Variants in EXPH5 observed in about 807,000 individuals in gnomAD.
The protein encoded by EXPH5 is exophilin 5, also known as exophilin-5.
EXPH5 carries 42 observed loss-of-function variants against 41.1 expected under a neutral mutation model. The observed-to-expected ratio is 1.02, with a 90% CI of 0.80 to 1.32. The LOEUF is 1.32. EXPH5 is among the 40% of genes most tolerant of loss of function. The probability of loss-of-function intolerance (pLI) is 0.00; values close to 1 mark genes in which losing one functional copy is unlikely to be tolerated. For missense variants in EXPH5, 2,298 were observed against 2,314.5 expected, an observed-to-expected ratio of 0.99 and a Z score of 0.15; for synonymous variants, 798 against 833.5, an observed-to-expected ratio of 0.96 and a Z score of 0.73.
intron 1 of EXPH5, among the ~76,000 whole-genome samples, chr11:108,548,744 T>C (rs1295705742): frequency 1.3e-5 from 2 of 152,196 alleles, no homozygotes; most frequent in African/African-American, 2.4e-5. Flanking sequence ...GAAGTATAGT[T>C]TGTACATTGA....
the EXPH5 span, among the ~76,000 whole-genome samples, chr11:108,606,645 C>T: frequency 6.6e-6 from 1 of 152,182 alleles, no homozygotes; most frequent in Non-Finnish European, 1.5e-5. Context: ...TCAAGGCTCA[C>T]TTTGTGCAAG....
rs61454000 is a variant in EXPH5 at position 108,532,367 on chromosome 11, T to TATATATATATATATA, written c.444-4184_444-4183insTATATATATATATAT. On this transcript the variant is annotated intron_variant, in intron 3 of 5. Coordinates refer to ENST00000265843, the MANE Select transcript of EXPH5 (RefSeq NM_015065.3). ...ATATATATATATATATATATATATA[T>TATATATATATATATA]TTTTTTTTTTTTTTTTTTTTTTTTT... Among the ~76,000 whole-genome samples the TATATATATATATATA allele has an allele frequency of 7.0e-3, 141 of 20,116 alleles. 4 individuals are homozygous for TATATATATATATATA. The highest frequency in any genetic ancestry group is 0.011 in the South Asian group (4 of 366). 13.2% of individuals were successfully genotyped at this position (20,116 alleles called of 152,430 possible). A position where few individuals can be genotyped will look rare whatever the true frequency, so the allele number is the denominator to read the frequency against.
At chr11:108,520,907 T>G (rs10890851) in intron 4 of EXPH5, among the ~76,000 whole-genome samples, 46,776 of 152,124 alleles carry the variant, frequency 0.31, 9,878 homozygotes, top group African/African-American at 0.6. Flanking sequence ...TGTTTATCTT[T>G]ATTTCATAAA....
upstream of EXPH5, among the ~76,000 whole-genome samples, chr11:108,598,253 T>C (rs2094141455): frequency 1.3e-5 from 2 of 152,184 alleles, no homozygotes; most frequent in East Asian, 1.9e-4. Flanking sequence ...AGAAAGTAGA[T>C]GTATGTGCTA....
chr11:108,579,979 A>C (rs2094092933), intron 1 of EXPH5, among the ~76,000 whole-genome samples: 2 of 152,212 alleles, frequency 1.3e-5, no homozygotes, highest in Admixed American at 6.5e-5. Flanking sequence ...ATACTTCAGG[A>C]CATTGGTCTG....
chr11:108,532,371 T>TATATATATACA (rs1565800778), intron 3 of EXPH5, among the ~76,000 whole-genome samples: 7 of 54,696 alleles, frequency 1.3e-4, no homozygotes, highest in African/African-American at 8.4e-4. Flanking sequence ...TATATATTTT[T>TATATATATACA]TTTTTTTTTT....
rs139214816 is a variant in EXPH5, at chr11:108,536,094, G to T, written c.443+2930C>A. 1.1e-3 allele frequency among the ~76,000 whole-genome samples: 167 copies of T among 152,130 alleles called. 4 individuals are homozygous for T. In the South Asian group the frequency reaches 0.02, roughly 18 times the overall value. On this transcript the variant is annotated intron_variant, in intron 3 of 5. Coordinates refer to ENST00000265843, the MANE Select transcript of EXPH5 (RefSeq NM_015065.3). ...ACATGTACATATGTATACTTTTCTT[G>T]GATTTATTGGCTAGGAATGTATACA...
At chr11:108,550,832 G>A (rs1320533636) in intron 1 of EXPH5, among the ~76,000 whole-genome samples, 1 of 151,796 alleles carries the variant, frequency 6.6e-6, no homozygotes, top group Non-Finnish European at 1.5e-5. Flanking sequence ...GGGGTGGTTC[G>A]TTATGTACAA....
rs191826120 is a variant in EXPH5, at chr11:108,520,827, C to G, written c.493-2454G>C. On this transcript the variant is annotated intron_variant, in intron 4 of 5. Coordinates refer to ENST00000265843, the MANE Select transcript of EXPH5 (RefSeq NM_015065.3). ...CAGGCAATCCTCCTGCCTCAGCCCC[C>G]CAAAGTGCTGGGATTACAGGCATGA... Among the ~76,000 whole-genome samples the G allele has an allele frequency of 1.5e-4, 23 of 152,320 alleles. 1 individual carries two copies. The highest frequency in any genetic ancestry group is 7.8e-4 in the Admixed American group (12 of 15,306).
chr11:108,590,855 G>T (rs1464619095), intron 1 of EXPH5, among the ~76,000 whole-genome samples: 1 of 152,156 alleles, frequency 6.6e-6, no homozygotes, highest in East Asian at 1.9e-4. Flanking sequence ...GTCTCTCTGT[G>T]TTGGTCAGGC....
chr11:108,559,600 T>C (rs1421380990), intron 1 of EXPH5, among the ~76,000 whole-genome samples: 1 of 152,244 alleles, frequency 6.6e-6, no homozygotes, highest in East Asian at 1.9e-4. Context: ...CTGCTAGTTA[T>C]GTAGAGTTAG....
Position 108,593,674 on chromosome 11 carries a change from C to T in EXPH5, c.-138G>A. 2 of 1,562,482 alleles carry T rather than the reference C, an allele frequency of 1.3e-6. No homozygotes were observed. The highest frequency in any genetic ancestry group is 1.4e-5 in the African/African-American group (1 of 73,780). On this transcript the variant is annotated 5_prime_UTR_variant, in exon 1 of 6. The change creates a premature stop within an existing upstream ORF in the 5' untranslated region. Coordinates refer to ENST00000265843, the MANE Select transcript of EXPH5 (RefSeq NM_015065.3). The stretch of plus-strand genomic sequence containing the variant: ...AGTCCGCCCCTTTGAAAGTCTAAAA[C>T]CACAAACCTAGGGAACGCCCACACC...
Position 108,511,027 on chromosome 11 carries a change from T to C in EXPH5, c.4480A>G (p.Lys1494Glu). The C allele has an allele frequency of 6.2e-7, 1 of 1,614,228 alleles. No homozygotes were observed. Among genetic ancestry groups the C allele is most frequent in the African/African-American group, 1.3e-5 (1 of 75,062 alleles). ...TGAGAAAGTGTTTTATTAGTCATTT[T>C]TTGGCAGTTGGTTCCAATGTCCCCT... ...GRGDIGTNCQ[K>E]MTNKTLSHSE... Residue 1494 changes from lysine (K) to glutamate (E), a missense_variant, in exon 6 of 6, where the codon AAA (lysine) becomes GAA (glutamate). Physicochemically the swap from Lys to Glu is moderately conservative, Grantham distance 56 (BLOSUM62 1). Transcript: ENST00000265843.
At chr11:108,525,168 T>A (rs1461221131) in intron 4 of EXPH5, among the ~76,000 whole-genome samples, 2 of 152,234 alleles carry the variant, frequency 1.3e-5, no homozygotes, top group Non-Finnish European at 2.9e-5. Context: ...CCCAGCCACA[T>A]GGGACTGTGA....
In EXPH5 at chr11:108,510,213, C is replaced by G; in HGVS notation, c.5294G>C (p.Arg1765Thr). Residue 1765 changes from arginine (R) to threonine (T), a missense_variant, in exon 6 of 6, where the codon AGA becomes ACA. Transcript: ENST00000265843. ...PFPLEPAQKS[R>T]VSSPLASFLQ... ...AAAACTGGCCAGTGGACTGCTTACT[C>G]TAGATTTCTGTGCAGGCTCCAGTGG... is the stretch of plus-strand genomic sequence containing the variant. The G allele has an allele frequency of 1.2e-6, 2 of 1,613,944 alleles. No homozygotes were observed. Among genetic ancestry groups the G allele is most frequent in the Non-Finnish European group, 1.7e-6 (2 of 1,179,978 alleles).
At chr11:108,569,358 G>A (rs1261945724) in intron 1 of EXPH5, among the ~76,000 whole-genome samples, 2 of 151,480 alleles carry the variant, frequency 1.3e-5, no homozygotes, top group East Asian at 3.9e-4. Flanking sequence ...TTATTTTTTG[G>A]AGACAGAGCC....
chr11:108,554,803 A>G (rs1362878368), intron 1 of EXPH5, among the ~76,000 whole-genome samples: 1 of 152,178 alleles, frequency 6.6e-6, no homozygotes, highest in Non-Finnish European at 1.5e-5. Flanking sequence ...GCACTCCTGT[A>G]GTCCCAGGTA....
intron 4 of EXPH5, among the ~76,000 whole-genome samples, chr11:108,526,325 G>A (rs1013825781): frequency 2.0e-5 from 3 of 152,158 alleles, no homozygotes; most frequent in Non-Finnish European, 2.9e-5. Context: ...CATGCTCCAA[G>A]CAGTGAAATG....
chr11:108,579,393 C>T (rs948719274), intron 1 of EXPH5, among the ~76,000 whole-genome samples: 8 of 152,004 alleles, frequency 5.3e-5, no homozygotes, highest in Non-Finnish European at 1.0e-4. Context: ...ACCATTTTAA[C>T]GTGTTGTTGA....
Sources: allele counts gnomAD v4.1 joint callset (sites outside exome capture counted in the v4.1 genomes callset), GRCh38; gene constraint gnomAD v4.1.1; transcripts MANE v1.5; gene names NCBI Gene and HGNC (gene_info 2026-07-23, HGNC 2026-07-21).